Variants in MARK3 observed in about 807,000 individuals in gnomAD.
MARK3 encodes MAP/microtubule affinity-regulating kinase 3.
Under a neutral mutation model 90.1 loss-of-function variants are expected in MARK3, and 46 were observed. The ratio of observed to expected loss-of-function variants is 0.51; its 90% CI spans 0.40 to 0.65. The LOEUF is 0.65. Ranked by LOEUF, MARK3 falls within the 30% of genes least tolerant of loss-of-function variation. The pLI is 0.00. For synonymous variants in MARK3, 321 were observed against 332.6 expected (o/e 0.97, Z 0.38); for missense variants, 818 against 947.2 (o/e 0.86, Z 1.79).
rs1296414824 is a variant in MARK3 at position 103,389,390 on chromosome 14, C to T, written c.51+3310C>T. 2.7e-5 allele frequency among the ~76,000 whole-genome samples: 4 copies of T among 149,770 alleles called. 1 individual carries two copies. Among genetic ancestry groups the T allele is most frequent in the Admixed American group, 1.3e-4 (2 of 14,990 alleles). ...AAAAAAAAAAAAAATTAGCCAGGTG[C>T]GGTGGTGCATGCCTGTAATTCCAGC... On this transcript the variant is annotated intron_variant, in intron 1 of 17. Coordinates refer to ENST00000429436, the MANE Select transcript of MARK3 (RefSeq NM_001128918.3).
rs6145477 is a variant in MARK3 at position 103,470,455 on chromosome 14, A to ATTTTTTTTTT, written c.1264+2277_1264+2286dup. ...ATTCCAGGATTCAGGAACTAAATCT[A>ATTTTTTTTTT]TTTTTTTTTTTTTTTTTGAGATGGA... On this transcript the variant is annotated intron_variant, in intron 12 of 17. Transcript: ENST00000429436. Among the ~76,000 whole-genome samples the ATTTTTTTTTT allele has an allele frequency of 8.9e-4, 49 of 55,046 alleles. 8 individuals carry two copies. Among genetic ancestry groups the ATTTTTTTTTT allele is most frequent in the African/African-American group, 2.1e-3 (38 of 17,944 alleles). The allele number at this position is 55,046 out of a possible 152,430, so 36.1% of individuals were successfully genotyped here. A position where few individuals can be genotyped will look rare whatever the true frequency, so the allele number is the denominator to read the frequency against.
At chr14:103,492,589 TC>T (rs2094036355) in intron 15 of MARK3, among the ~76,000 whole-genome samples, 2 of 152,304 alleles carry the variant, frequency 1.3e-5, no homozygotes, top group Admixed American at 1.3e-4. Context: ...AGATAAAATC[TC>T]TGGTTTATTA....
At chr14:103,502,370 C>G (rs2075717994) in intron 17 of MARK3, among the ~76,000 whole-genome samples, 1 of 152,200 alleles carries the variant, frequency 6.6e-6, no homozygotes, top group South Asian at 2.1e-4. Context: ...GCATCATGTT[C>G]AGCCTCAGGG....
chr14:103,388,162 T>C (rs1172923624), intron 1 of MARK3, among the ~76,000 whole-genome samples: 1 of 151,872 alleles, frequency 6.6e-6, no homozygotes, highest in Non-Finnish European at 1.5e-5. Context: ...AACTCCCGAC[T>C]TCAGGTGATC....
intron 3 of MARK3, among the ~76,000 whole-genome samples, chr14:103,438,381 A>G (rs1207922541): frequency 1.3e-5 from 2 of 152,238 alleles, no homozygotes; most frequent in African/African-American, 4.8e-5. Context: ...TCACTCATCC[A>G]GTGAATAAGG....
At chr14:103,389,271 G>T (rs1272335065) in intron 1 of MARK3, among the ~76,000 whole-genome samples, 1 of 151,742 alleles carries the variant, frequency 6.6e-6, no homozygotes, top group African/African-American at 2.4e-5. Context: ...GGCTGAGGCA[G>T]GAGAATGGCA....
rs77882846 is a variant in MARK3 at position 103,460,861 on chromosome 14, A to G, written c.484-1544A>G. ...TCAAGTTTTCATGCTGACTGAATAGAACAATAGTGATAAATCCAAAGTAAC... is the reference window on the plus strand; with the variant it reads ...TCAAGTTTTCATGCTGACTGAATAGGACAATAGTGATAAATCCAAAGTAAC... On this transcript the variant is annotated intron_variant, in intron 6 of 17. Transcript: ENST00000429436. 9.8e-5 allele frequency among the ~76,000 whole-genome samples: 15 copies of G among 152,356 alleles called. No individual in the cohort carries two copies. The East Asian group carries it at 2.9e-3, about 29-fold the overall frequency.
chr14:103,478,294 C>CAA (rs745554491), intron 13 of MARK3, among the ~76,000 whole-genome samples: 19 of 125,292 alleles, frequency 1.5e-4, no homozygotes, highest in East Asian at 4.9e-4. Flanking sequence ...GGCTCCATCT[C>CAA]AAAAAAAAAA....
At chr14:103,426,862 T>C (rs1595616326) in intron 2 of MARK3, among the ~76,000 whole-genome samples, 1 of 150,644 alleles carries the variant, frequency 6.6e-6, no homozygotes, top group South Asian at 2.1e-4. Flanking sequence ...TCCCTTTCCT[T>C]CTTTAACTGC....
At chr14:103,464,610 T>G (rs1480903393) in intron 7 of MARK3, among the ~76,000 whole-genome samples, 2 of 152,144 alleles carry the variant, frequency 1.3e-5, no homozygotes, top group Admixed American at 1.3e-4. Flanking sequence ...ATGATTTGAC[T>G]CTTGAATGAG....
chr14:103,433,666 C>CG (rs1360030846), intron 3 of MARK3, among the ~76,000 whole-genome samples: 1 of 152,028 alleles, frequency 6.6e-6, no homozygotes, highest in Non-Finnish European at 1.5e-5. Context: ...GCCTGGGTGA[C>CG]GGTGAGACTC....
chr14:103,502,810 A>C, intron 17 of MARK3, 72 bp from the exon 18 acceptor site: 1 of 1,203,686 alleles, frequency 8.3e-7, no homozygotes, highest in South Asian at 1.5e-5. Context: ...GACGTGAATG[A>C]GGAACTAGCT....
chr14:103,473,535 T>TA (rs1411405200), intron 12 of MARK3, among the ~76,000 whole-genome samples: 2 of 152,220 alleles, frequency 1.3e-5, no homozygotes, highest in African/African-American at 4.8e-5. Flanking sequence ...GCATTGAGGC[T>TA]AATATCACCC....
At chr14:103,481,818 G>A (rs2093828262) in intron 14 of MARK3, among the ~76,000 whole-genome samples, 1 of 122,968 alleles carries the variant, frequency 8.1e-6, no homozygotes, top group South Asian at 2.8e-4. Flanking sequence ...CCAGGCTGGA[G>A]TGCAGTGGCC....
In MARK3 at chr14:103,385,615, T is replaced by A. The variant is rs1440234972; in HGVS notation, c.-415T>A. 1 of 162,716 alleles carries A rather than the reference T, an allele frequency of 6.1e-6. No individual in the cohort carries two copies. Among genetic ancestry groups the A allele is most frequent in the African/African-American group, 2.4e-5 (1 of 41,680 alleles). 10.1% of individuals were successfully genotyped at this position (162,716 alleles called of 1,614,324 possible). On this transcript the variant is annotated 5_prime_UTR_variant, in exon 1 of 18. Coordinates refer to ENST00000429436, the MANE Select transcript of MARK3 (RefSeq NM_001128918.3). The stretch of plus-strand genomic sequence containing the variant: ...TTCCTTCACATCCTCCTCCGCCTCC[T>A]CGTTTTCAGGCGCCGCCGGCGGCGC...
intron 8 of MARK3, 75 bp from the exon 9 acceptor site, chr14:103,465,897 G>A (rs978721789): frequency 8.9e-6 from 14 of 1,565,132 alleles, no homozygotes; most frequent in African/African-American, 1.4e-5. Context: ...GGTTTCAGGG[G>A]GTTTTTTGTT....
At chr14:103,478,554 T>C (rs531070480) in intron 13 of MARK3, among the ~76,000 whole-genome samples, 1 of 152,250 alleles carries the variant, frequency 6.6e-6, no homozygotes, top group South Asian at 2.1e-4. Context: ...TTCCCTTTTT[T>C]TTTTTTTGAG....
At chr14:103,501,682 G>A (rs1595977349) in intron 17 of MARK3, among the ~76,000 whole-genome samples, 1 of 151,968 alleles carries the variant, frequency 6.6e-6, no homozygotes, top group East Asian at 1.9e-4. Context: ...TGCTCGGCGG[G>A]CTCCACCTCT....
intron 2 of MARK3, chr14:103,412,296 T>C (rs1478068378): frequency 2.8e-5 from 18 of 648,496 alleles, no homozygotes; most frequent in Non-Finnish European, 4.9e-5. Flanking sequence ...AACATGTTCA[T>C]ATGAAACTTG....
Sources: gnomAD v4.1 joint callset for allele counts (sites outside exome capture counted in the v4.1 genomes callset) on GRCh38, gnomAD v4.1.1 for gene constraint, MANE v1.5 for transcripts, NCBI Gene and HGNC (gene_info 2026-07-23, HGNC 2026-07-21) for gene names.